GSDME: variants seen among roughly 807,000 people sequenced by gnomAD.
The protein encoded by GSDME is gasdermin-E.
In GSDME, 44 loss-of-function variants were observed where a neutral mutation model predicts 47.5. The observed-to-expected ratio is 0.93, with a 90% CI of 0.73 to 1.19. The LOEUF (loss-of-function observed/expected upper bound fraction) is 1.19. Ranked by LOEUF, GSDME falls within the 50% of genes most tolerant of loss-of-function variation. GSDME has a pLI of 0.00. For missense variants in GSDME, 663 were observed against 604.2 expected, an observed-to-expected ratio of 1.10 and a Z score of -1.02; for synonymous variants, 258 against 252.8, an observed-to-expected ratio of 1.02 and a Z score of -0.20.
rs562575176 is a variant in GSDME at position 24,716,508 on chromosome 7, C to G, written c.697+746G>C. 1 of 152,914 alleles carries G rather than the reference C, an allele frequency of 6.5e-6. No individual in the cohort carries two copies. Among genetic ancestry groups the G allele is most frequent in the African/African-American group, 2.4e-5 (1 of 41,574 alleles). 9.5% of individuals were successfully genotyped at this position (152,914 alleles called of 1,614,324 possible). On this transcript the variant is annotated intron_variant, in intron 5 of 9. Transcript: ENST00000645220. This position sits in a 1 kb window ranked among gnomAD's most constrained non-coding sequence, Gnocchi z 4.5. ...CCCACTCATGTCCCTAAGGAGCGGTCACACAGCTTTCATGAGTGAACACAA... is the reference window on the plus strand; with the variant it reads ...CCCACTCATGTCCCTAAGGAGCGGTGACACAGCTTTCATGAGTGAACACAA...
At chr7:24,755,230 A>G (rs148355660) in intron 1 of GSDME, among the ~76,000 whole-genome samples, 1 of 152,354 alleles carries the variant, frequency 6.6e-6, no homozygotes, top group African/African-American at 2.4e-5. Flanking sequence ...CATGAAAACA[A>G]GGCTTCTCTG....
Position 24,744,677 on chromosome 7 carries a change from C to T in GSDME, c.289G>A (p.Gly97Arg). ...HVSGTLETALGKVKLNLGGSS... is the reference protein window; with the variant it reads ...HVSGTLETALRKVKLNLGGSS... The stretch of plus-strand genomic sequence containing the variant: ...CCCCCCAGGTTCAGCTTGACCTTCC[C>T]CAGTGCAGTCTCCAGGGTTCCACTC... Residue 97 changes from glycine to arginine, a missense_variant, in exon 3 of 10, where the codon GGG becomes AGG. Transcript: ENST00000645220. This position sits in a 1 kb window ranked among gnomAD's most constrained non-coding sequence, Gnocchi z 4.5. The T allele has an allele frequency of 1.2e-6, 2 of 1,614,184 alleles. No homozygotes were observed. The highest frequency in any genetic ancestry group is 1.7e-6 in the Non-Finnish European group (2 of 1,180,038).
the GSDME span, among the ~76,000 whole-genome samples, chr7:24,784,857 G>C: frequency 6.6e-6 from 1 of 152,136 alleles, no homozygotes; most frequent in Admixed American, 6.5e-5. Flanking sequence ...ACCGCGCCCG[G>C]ACTGCCTTTT....
At chr7:24,710,951 TTC>T (rs1789330802) in intron 5 of GSDME, among the ~76,000 whole-genome samples, 3 of 152,338 alleles carry the variant, frequency 2.0e-5, no homozygotes, top group Admixed American at 2.0e-4. Flanking sequence ...AAAGAATACA[TTC>T]TCTCTGAATC....
rs993516124 is a variant in GSDME, at chr7:24,714,318, T to C, written c.697+2936A>G. 5.3e-5 allele frequency among the ~76,000 whole-genome samples: 8 copies of C among 151,838 alleles called. No homozygotes were observed. Among genetic ancestry groups the C allele is most frequent in the Admixed American group, 1.3e-4 (2 of 15,260 alleles). On this transcript the variant is annotated intron_variant, in intron 5 of 9. Coordinates refer to ENST00000645220, the MANE Select transcript of GSDME (RefSeq NM_001127453.2). This position sits in a 1 kb window ranked among gnomAD's most constrained non-coding sequence, Gnocchi z 5.0. ...GTCAAATGCAATCCCACCAGGAAGG[T>C]AGGGAGAGAGAGCAGGCATGTCTTC...
intron 3 of GSDME, among the ~76,000 whole-genome samples, chr7:24,722,604 C>G (rs112164617): frequency 2.0e-5 from 3 of 152,336 alleles, no homozygotes; most frequent in African/African-American, 7.2e-5. Flanking sequence ...CTTTAGGAGT[C>G]TGATGTGACT....
rs1388643762 is a variant in GSDME at position 24,716,965 on chromosome 7, G to A, written c.697+289C>T. 6 of 447,712 alleles carry A rather than the reference G, an allele frequency of 1.3e-5. No homozygotes were observed. The highest frequency in any genetic ancestry group is 1.2e-4 in the African/African-American group (6 of 50,286). The allele number at this position is 447,712 out of a possible 1,614,324, so 27.7% of individuals were successfully genotyped here. On this transcript the variant is annotated intron_variant, in intron 5 of 9. Coordinates refer to ENST00000645220, the MANE Select transcript of GSDME (RefSeq NM_001127453.2). The surrounding 1 kb of genome is among the most constrained non-coding windows in gnomAD (Gnocchi z 4.5). ...GTGTGTCTGATGCAGAGCCCAGGTT[G>A]ATGCCCAGAGGACACAGCCCAGCCC...
the GSDME span, among the ~76,000 whole-genome samples, chr7:24,787,538 T>G: frequency 6.6e-6 from 1 of 152,146 alleles, no homozygotes; most frequent in Non-Finnish European, 1.5e-5. This position sits in a 1 kb window ranked among gnomAD's most constrained non-coding sequence, Gnocchi z 5.0. Context: ...ATTAGCCAAA[T>G]CTGAGAATCA....
chr7:24,740,092 CAAA>C (rs35581523), intron 3 of GSDME, among the ~76,000 whole-genome samples: 3 of 134,624 alleles, frequency 2.2e-5, no homozygotes, highest in Non-Finnish European at 3.3e-5. Flanking sequence ...GACTCCATCT[CAAA>C]AAAAAAAAAA....
chr7:24,789,272 A>ACC, the GSDME span, among the ~76,000 whole-genome samples: 1 of 151,962 alleles, frequency 6.6e-6, no homozygotes, highest in South Asian at 2.1e-4. Flanking sequence ...ACACACACAC[A>ACC]CACACACACG....
rs17149919 is a variant in GSDME, at chr7:24,705,835, G to C, written c.1183+349C>G. The C allele has an allele frequency of 0.011, 4,351 of 387,012 alleles. 190 individuals carry two copies. The highest frequency in any genetic ancestry group is 0.084 in the African/African-American group (4,055 of 48,412). The allele number at this position is 387,012 out of a possible 1,614,324, so 24.0% of individuals were successfully genotyped here. ...GGAGGAGAGCAGTTGGCAAATGAAA[G>C]TTGCTGCCACTCAGCTCTGCTGGGA... is the stretch of plus-strand genomic sequence containing the variant. On this transcript the variant is annotated intron_variant, in intron 8 of 9. Transcript: ENST00000645220. This position sits in a 1 kb window ranked among gnomAD's most constrained non-coding sequence, Gnocchi z 4.1.
At position 24,733,396 on chromosome 7, in the gene GSDME, A is replaced by C. The variant is rs77518121; in HGVS notation, c.404+11166T>G. On this transcript the variant is annotated intron_variant, in intron 3 of 9. Transcript: ENST00000645220. The surrounding 1 kb of genome is among the most constrained non-coding windows in gnomAD (Gnocchi z 4.3). ...GAGGAGAGATTCCTTCTGCTTGAGAAAAGCAGAGAGAAAAGAGGACTTTGT... is the reference window on the plus strand; with the variant it reads ...GAGGAGAGATTCCTTCTGCTTGAGACAAGCAGAGAGAAAAGAGGACTTTGT... Among the ~76,000 whole-genome samples the C allele has an allele frequency of 7.1e-3, 1,075 of 152,266 alleles. 13 individuals carry two copies. Among genetic ancestry groups the C allele is most frequent in the African/African-American group, 0.025 (1,030 of 41,540 alleles).
chr7:24,738,093 T>C (rs1219368529), intron 3 of GSDME, among the ~76,000 whole-genome samples: 1 of 152,184 alleles, frequency 6.6e-6, no homozygotes, highest in Non-Finnish European at 1.5e-5. Flanking sequence ...CTTTCACCAC[T>C]GTTATTCACC....
chr7:24,777,347 G>A, the GSDME span, among the ~76,000 whole-genome samples: 2 of 152,290 alleles, frequency 1.3e-5, no homozygotes, highest in East Asian at 3.9e-4. Flanking sequence ...GGCTGACCAA[G>A]GCTTTTAGGG....
At chr7:24,737,995 A>C (rs1790362761) in intron 3 of GSDME, among the ~76,000 whole-genome samples, 1 of 152,172 alleles carries the variant, frequency 6.6e-6, no homozygotes. Flanking sequence ...AAAGCCATAT[A>C]TGATAGACCA....
At chr7:24,769,446 A>C in the GSDME span, among the ~76,000 whole-genome samples, 2 of 152,184 alleles carry the variant, frequency 1.3e-5, no homozygotes, top group Non-Finnish European at 2.9e-5. Flanking sequence ...TTCTGTTCTT[A>C]ACGAGGCCTG....
intron 9 of GSDME, among the ~76,000 whole-genome samples, chr7:24,700,703 C>T (rs541554161): frequency 3.3e-5 from 5 of 152,298 alleles, no homozygotes; most frequent in East Asian, 1.9e-4. Flanking sequence ...ACAGGCTTAA[C>T]GTTACCATTA....
chr7:24,753,002 T>G (rs916896213), intron 1 of GSDME, among the ~76,000 whole-genome samples: 1 of 152,162 alleles, frequency 6.6e-6, no homozygotes, highest in African/African-American at 2.4e-5. Context: ...GTTTTTTTTT[T>G]TTCCATCTAA....
rs1562688910 is a variant in GSDME, at chr7:24,707,693, CA to C, written c.990+433del. 296 of 382,428 alleles carry C rather than the reference CA, an allele frequency of 7.7e-4. 3 individuals carry two copies. The highest frequency in any genetic ancestry group is 5.2e-3 in the African/African-American group (258 of 49,294). 23.7% of individuals were successfully genotyped at this position (382,428 alleles called of 1,614,324 possible). ...GACAGTAAAGGAGAAGACACACACA[CA>C]CACACAGAGGGGAAGCCCACATGGA... On this transcript the variant is annotated intron_variant, in intron 7 of 9. Coordinates refer to ENST00000645220, the MANE Select transcript of GSDME (RefSeq NM_001127453.2).
Sources: gnomAD v4.1 joint callset for allele counts (sites outside exome capture counted in the v4.1 genomes callset) on GRCh38, gnomAD v4.1.1 for gene constraint, Gnocchi (gnomAD v3.1) non-coding constraint, MANE v1.5 for transcripts, NCBI Gene and HGNC (gene_info 2026-07-23, HGNC 2026-07-21) for gene names.